The following DGKB variants were observed in gnomAD, a reference collection of about 807,000 sequenced individuals.
The protein encoded by DGKB is 90 kDa diacylglycerol kinase.
DGKB carries 67 observed loss-of-function variants against 114.3 expected under a neutral mutation model. The observed-to-expected ratio is 0.59, with a 90% CI of 0.48 to 0.72. The LOEUF (loss-of-function observed/expected upper bound fraction) is 0.72. Among genes scored for constraint, DGKB ranks in the 30% least tolerant of loss-of-function variants. The pLI is 0.00. For synonymous variants in DGKB, 398 were observed against 323.1 expected, an observed-to-expected ratio of 1.23 and a Z score of -2.49; for missense variants, 907 against 975.2, an observed-to-expected ratio of 0.93 and a Z score of 0.93.
intron 13 of DGKB, among the ~76,000 whole-genome samples, chr7:14,634,607 A>G (rs1013730859): frequency 1.3e-5 from 2 of 151,458 alleles, no homozygotes; most frequent in Non-Finnish European, 3.0e-5. Flanking sequence ...CAAATATACA[A>G]TTGGATATCT....
At chr7:14,233,535 CT>C (rs1395727261) in intron 23 of DGKB, among the ~76,000 whole-genome samples, 1 of 152,038 alleles carries the variant, frequency 6.6e-6, no homozygotes, top group Non-Finnish European at 1.5e-5. Context: ...TGACTCTTCC[CT>C]TAGTCAGACG....
chr7:14,332,298 C>T (rs895195397), intron 23 of DGKB, among the ~76,000 whole-genome samples: 1 of 152,152 alleles, frequency 6.6e-6, no homozygotes, highest in South Asian at 2.1e-4. Context: ...AAGTTACTTG[C>T]CCAAAGTTGT....
At chr7:14,566,878 T>C (rs1340172152) in intron 20 of DGKB, among the ~76,000 whole-genome samples, 1 of 151,818 alleles carries the variant, frequency 6.6e-6, no homozygotes, top group Non-Finnish European at 1.5e-5. Flanking sequence ...TCTTCTTAAA[T>C]GCATCCTCTT....
intron 21 of DGKB, among the ~76,000 whole-genome samples, chr7:14,426,780 C>T (rs568944103): frequency 1.1e-4 from 16 of 152,110 alleles, no homozygotes; most frequent in South Asian, 4.2e-4. Flanking sequence ...ATGGGCCAAG[C>T]GTGGCAGCTC....
At position 14,146,305 on chromosome 7, in the gene DGKB, T is replaced by TCAA. The variant is rs1159947235; in HGVS notation, c.*2823_*2825dup. The TCAA allele has an allele frequency of 6.6e-6, 1 of 152,236 alleles. No homozygotes were observed. The highest frequency in any genetic ancestry group is 1.5e-5 in the Non-Finnish European group (1 of 68,042). The allele number at this position is 152,236 out of a possible 1,614,324, so 9.4% of individuals were successfully genotyped here. A position where few individuals can be genotyped will look rare whatever the true frequency, so the allele number is the denominator to read the frequency against. ...TCTGAAATGTCTCTCTGGAATCTCATCAACTCAGTGCCTAGCAATGTTTAG... is the reference window on the plus strand; with the variant it reads ...TCTGAAATGTCTCTCTGGAATCTCATCAACAACTCAGTGCCTAGCAATGTTTAG... On this transcript the variant is annotated 3_prime_UTR_variant, in exon 26 of 26. Transcript: ENST00000402815.
intron 21 of DGKB, among the ~76,000 whole-genome samples, chr7:14,356,759 C>A (rs1165275652): frequency 6.6e-6 from 1 of 152,186 alleles, no homozygotes; most frequent in Non-Finnish European, 1.5e-5. Context: ...TCCGTCTACA[C>A]ACTGCTTTAA....
At chr7:14,304,030 C>A (rs942763181) in intron 23 of DGKB, among the ~76,000 whole-genome samples, 4 of 142,774 alleles carry the variant, frequency 2.8e-5, no homozygotes, top group Admixed American at 1.4e-4. Flanking sequence ...CTATTATACA[C>A]CATTTGTTCT....
At chr7:14,376,531 C>T (rs541343322) in intron 21 of DGKB, among the ~76,000 whole-genome samples, 28 of 152,114 alleles carry the variant, frequency 1.8e-4, no homozygotes, top group African/African-American at 2.7e-4. Flanking sequence ...TTAAATCATA[C>T]GAATAATTTT....
intron 20 of DGKB, among the ~76,000 whole-genome samples, chr7:14,534,957 A>T (rs1163202096): frequency 6.6e-6 from 1 of 152,190 alleles, no homozygotes; most frequent in African/African-American, 2.4e-5. Flanking sequence ...TGAGAAAAGA[A>T]ATCAAAAAGG....
At chr7:14,199,794 G>A (rs1785561155) in intron 23 of DGKB, among the ~76,000 whole-genome samples, 1 of 152,030 alleles carries the variant, frequency 6.6e-6, no homozygotes, top group African/African-American at 2.4e-5. Flanking sequence ...AATAAAAGGA[G>A]TAGTGACAAC....
chr7:14,326,878 A>C (rs1289753565), intron 23 of DGKB, among the ~76,000 whole-genome samples: 2 of 152,152 alleles, frequency 1.3e-5, no homozygotes, highest in African/African-American at 4.8e-5. Flanking sequence ...GCCTGTCCCC[A>C]TTAACCAATT....
intron 23 of DGKB, among the ~76,000 whole-genome samples, chr7:14,283,945 T>C (rs1800392476): frequency 6.6e-6 from 1 of 152,110 alleles, no homozygotes; most frequent in Non-Finnish European, 1.5e-5. Context: ...ATTCAGGACA[T>C]AGGCATGGGC....
At chr7:14,368,025 T>C (rs1816980877) in intron 21 of DGKB, among the ~76,000 whole-genome samples, 1 of 152,104 alleles carries the variant, frequency 6.6e-6, no homozygotes, top group Non-Finnish European at 1.5e-5. Flanking sequence ...TTTGACATGA[T>C]ATTTTCTTTT....
chr7:14,718,834 G>A, intron 5 of DGKB, 149 bp from the exon 6 acceptor site: 1 of 606,108 alleles, frequency 1.6e-6, no homozygotes, highest in South Asian at 2.2e-5. Context: ...GATCGGTACA[G>A]CAGCTAGACA....
At chr7:14,572,381 G>A (rs1428581027) in intron 20 of DGKB, among the ~76,000 whole-genome samples, 1 of 151,732 alleles carries the variant, frequency 6.6e-6, no homozygotes, top group Non-Finnish European at 1.5e-5. Context: ...GAACCCAGGA[G>A]GTGGAGTTTG....
At chr7:14,497,539 A>G (rs1263859524) in intron 20 of DGKB, among the ~76,000 whole-genome samples, 1 of 151,778 alleles carries the variant, frequency 6.6e-6, no homozygotes, top group Non-Finnish European at 1.5e-5. Flanking sequence ...GTATTAAACA[A>G]TCATGTCCCT....
intron 2 of DGKB, among the ~76,000 whole-genome samples, chr7:14,771,454 A>G (rs752273740): frequency 5.9e-5 from 9 of 152,068 alleles, no homozygotes; most frequent in East Asian, 5.8e-4. Flanking sequence ...GTGATGTAGT[A>G]TCTAAAGGGG....
chr7:14,899,249 C>T (rs1253008517), intron 1 of DGKB, among the ~76,000 whole-genome samples: 2 of 152,072 alleles, frequency 1.3e-5, no homozygotes, highest in Admixed American at 1.3e-4. Flanking sequence ...AGCGATATGT[C>T]CAACTACTCT....
intron 21 of DGKB, among the ~76,000 whole-genome samples, chr7:14,433,819 G>A (rs1470746592): frequency 3.3e-5 from 5 of 152,140 alleles, no homozygotes; most frequent in African/African-American, 1.2e-4. Flanking sequence ...TATACAATGA[G>A]ATATCTTGGG....
Sources: gnomAD v4.1 joint callset for allele counts (sites outside exome capture counted in the v4.1 genomes callset) on GRCh38, gnomAD v4.1.1 for gene constraint, MANE v1.5 for transcripts, NCBI Gene and HGNC (gene_info 2026-07-23, HGNC 2026-07-21) for gene names.